ANKRD55: variants seen among roughly 807,000 people sequenced by gnomAD.
The protein encoded by ANKRD55 is ankyrin repeat domain-containing protein 55.
A neutral mutation model predicts 60.6 loss-of-function variants in ANKRD55; 41 were observed. The ratio of observed to expected loss-of-function variants is 0.68; its 90% CI spans 0.53 to 0.88. The LOEUF (loss-of-function observed/expected upper bound fraction) is 0.88. Among genes scored for constraint, ANKRD55 ranks in the 40% least tolerant of loss-of-function variants. The pLI is 0.00. For synonymous variants in ANKRD55, 264 were observed against 290.3 expected, an observed-to-expected ratio of 0.91 and a Z score of 0.92; for missense variants, 732 against 767.6, an observed-to-expected ratio of 0.95 and a Z score of 0.55.
chr5:56,148,472 T>C (rs1341832113), intron 6 of ANKRD55, among the ~76,000 whole-genome samples: 1 of 152,044 alleles, frequency 6.6e-6, no homozygotes, highest in African/African-American at 2.4e-5. Flanking sequence ...AAATGTTAAG[T>C]TTTGGTTGAC....
chr5:56,180,188 C>A (rs1194466172), intron 3 of ANKRD55, among the ~76,000 whole-genome samples: 1 of 152,080 alleles, frequency 6.6e-6, no homozygotes, highest in African/African-American at 2.4e-5. Context: ...GATTACTAAC[C>A]CACTCCCACA....
At chr5:56,217,949 T>C (rs1353300403) in intron 2 of ANKRD55, among the ~76,000 whole-genome samples, 2 of 151,542 alleles carry the variant, frequency 1.3e-5, no homozygotes, top group African/African-American at 2.4e-5. Context: ...TAATTTCAAC[T>C]CTCCAAACAG....
chr5:56,170,828 A>C, intron 4 of ANKRD55, 25 bp from the exon 5 acceptor site: 1 of 1,596,720 alleles, frequency 6.3e-7, no homozygotes, highest in Non-Finnish European at 8.6e-7. Flanking sequence ...CAACCACATC[A>C]TTATATAACA....
rs1228528929 is a variant in ANKRD55, at chr5:56,116,721, A to C, written c.859T>G (p.Leu287Val). The C allele has an allele frequency of 2.5e-6, 4 of 1,613,852 alleles. No individual in the cohort carries two copies. In the East Asian group the frequency reaches 8.9e-5, roughly 36 times the overall value. Residue 287 changes from leucine (L) to valine (V), a missense_variant, in exon 9 of 12, where the codon TTG becomes GTG. Physicochemically the swap from Leu to Val is conservative, Grantham distance 32. Coordinates refer to ENST00000341048, the MANE Select transcript of ANKRD55 (RefSeq NM_024669.3). Reference protein sequence around the residue: ...KAECVQSLLELGMDSNLRDIN... With the variant: ...KAECVQSLLEVGMDSNLRDIN... ...TCCCGCAGGTTGCTGTCCATTCCCAACTCCAGCAGTGACTGGACACATTCG... is the reference window on the plus strand; with the variant it reads ...TCCCGCAGGTTGCTGTCCATTCCCACCTCCAGCAGTGACTGGACACATTCG...
At chr5:56,155,610 G>A (rs1331885185) in intron 6 of ANKRD55, among the ~76,000 whole-genome samples, 2 of 152,156 alleles carry the variant, frequency 1.3e-5, no homozygotes, top group African/African-American at 4.8e-5. Flanking sequence ...GGCCTGGTCT[G>A]TTGACCTAGT....
chr5:56,126,908 G>A lies in ANKRD55; in HGVS notation c.797+14C>T, dbSNP rs1385790994. On this transcript the variant is annotated intron_variant, in intron 8 of 11. Coordinates refer to ENST00000341048, the MANE Select transcript of ANKRD55 (RefSeq NM_024669.3). ...ATGACTAGTTTCCCAGCACTTTCTG[G>A]TTACCATGGATACCTGTCATCCACA... The A allele has an allele frequency of 1.3e-6, 2 of 1,585,934 alleles. No homozygotes were observed. The highest frequency in any genetic ancestry group is 1.7e-6 in the Non-Finnish European group (2 of 1,164,962).
Position 56,179,012 on chromosome 5 carries a change from A to G in ANKRD55, c.182-2730T>C, listed in dbSNP as rs555895447. Among the ~76,000 whole-genome samples, 8 of 152,300 alleles carry G rather than the reference A, an allele frequency of 5.3e-5. 1 individual carries two copies. The South Asian group carries it at 1.5e-3, about 28-fold the overall frequency. On this transcript the variant is annotated intron_variant, in intron 3 of 11. Coordinates refer to ENST00000341048, the MANE Select transcript of ANKRD55 (RefSeq NM_024669.3). The stretch of plus-strand genomic sequence containing the variant: ...ACATTTAATAAAATCATAGGTGCTT[A>G]TACCTTATAACCCTGTAATTCCACT...
Position 56,183,506 on chromosome 5 carries a change from T to G in ANKRD55, c.181+6A>C. On this transcript the variant is annotated splice_donor_region_variant and intron_variant, in intron 3 of 11. Transcript: ENST00000341048. ...ATTCTGGATTCAAAATGCATACATA[T>G]CTCACCTTCACTGTCACAGCATTCT... is the stretch of plus-strand genomic sequence containing the variant. 1 of 1,613,862 alleles carries G rather than the reference T, an allele frequency of 6.2e-7. No individual in the cohort carries two copies. Among genetic ancestry groups the G allele is most frequent in the Middle Eastern group, 1.7e-4 (1 of 6,060 alleles).
intron 7 of ANKRD55, among the ~76,000 whole-genome samples, chr5:56,133,143 A>C (rs1378505143): frequency 1.3e-5 from 2 of 152,198 alleles, no homozygotes; most frequent in African/African-American, 4.8e-5. Context: ...AGTTGAACTT[A>C]AAAATACAAT....
intron 9 of ANKRD55, chr5:56,114,108 T>A (rs1221574753): frequency 6.6e-6 from 1 of 151,268 alleles, no homozygotes; most frequent in African/African-American, 2.4e-5. Flanking sequence ...GCGGGTGGAT[T>A]ACCTGAGGTT....
At chr5:56,168,216 T>C (rs1758528288) in intron 5 of ANKRD55, among the ~76,000 whole-genome samples, 1 of 152,278 alleles carries the variant, frequency 6.6e-6, no homozygotes, top group Non-Finnish European at 1.5e-5. Flanking sequence ...GGCTTCTCTA[T>C]AGGGTAGTCC....
chr5:56,160,902 A>G (rs534838352), intron 5 of ANKRD55: 1 of 152,292 alleles, frequency 6.6e-6, no homozygotes, highest in South Asian at 2.1e-4. Flanking sequence ...TTGGGTTTAC[A>G]TCCCAGCCCT....
chr5:56,103,872 C>T (rs1392734357), intron 10 of ANKRD55, among the ~76,000 whole-genome samples: 2 of 152,168 alleles, frequency 1.3e-5, no homozygotes, highest in Non-Finnish European at 2.9e-5. Context: ...CCAAGAACAA[C>T]TTGCATCTGT....
intron 2 of ANKRD55, 101 bp downstream of exon 2, chr5:56,232,755 C>A: frequency 1.7e-6 from 2 of 1,210,826 alleles, no homozygotes. Flanking sequence ...AACACACACA[C>A]ACACACACAC....
At chr5:56,184,303 T>C (rs1296036100) in intron 2 of ANKRD55, among the ~76,000 whole-genome samples, 1 of 152,246 alleles carries the variant, frequency 6.6e-6, no homozygotes, top group African/African-American at 2.4e-5. Context: ...TCTCTTCCTC[T>C]GCAGAGTCAG....
intron 10 of ANKRD55, among the ~76,000 whole-genome samples, chr5:56,103,076 G>A (rs1580931104): frequency 6.6e-6 from 1 of 152,166 alleles, no homozygotes; most frequent in Non-Finnish European, 1.5e-5. Flanking sequence ...CTGGAGGTGG[G>A]GCATGGTGTC....
In ANKRD55 at chr5:56,106,420, C is replaced by CTTTT. The variant is rs71602938; in HGVS notation, c.1631-3838_1631-3835dup. ...AATAAAATCCGTAAGGCTAGGAAAG[C>CTTTT]TTTTTTTTTTTTTTTTTTTTTTTGA... On this transcript the variant is annotated intron_variant, in intron 10 of 11. Transcript: ENST00000341048. 2.8e-3 allele frequency among the ~76,000 whole-genome samples: 268 copies of CTTTT among 96,898 alleles called. 38 individuals carry two copies. Among genetic ancestry groups the CTTTT allele is most frequent in the African/African-American group, 0.012 (212 of 17,124 alleles). The allele number at this position is 96,898 out of a possible 152,430, so 63.6% of individuals were successfully genotyped here.
intron 7 of ANKRD55, among the ~76,000 whole-genome samples, chr5:56,130,489 G>T (rs1324822014): frequency 1.2e-4 from 18 of 152,228 alleles, no homozygotes; most frequent in Non-Finnish European, 5.9e-5. Flanking sequence ...ATCATAGGAC[G>T]ATATAGTACA....
intron 3 of ANKRD55, among the ~76,000 whole-genome samples, chr5:56,182,159 T>C (rs1758863329): frequency 6.6e-6 from 1 of 152,104 alleles, no homozygotes; most frequent in Non-Finnish European, 1.5e-5. Flanking sequence ...TCTATAATCT[T>C]AGCACTTTGG....
Sources: allele counts gnomAD v4.1 joint callset (sites outside exome capture counted in the v4.1 genomes callset), GRCh38; gene constraint gnomAD v4.1.1; transcripts MANE v1.5; gene names NCBI Gene and HGNC (gene_info 2026-07-23, HGNC 2026-07-21).